The following KCNQ5 variants were observed in gnomAD, a reference collection of about 807,000 sequenced individuals.
KCNQ5 encodes potassium voltage-gated channel subfamily KQT member 5.
KCNQ5 carries 30 observed loss-of-function variants against 98.2 expected under a neutral mutation model. That is an observed-to-expected ratio of 0.31 (90% CI 0.23 to 0.41). The LOEUF (loss-of-function observed/expected upper bound fraction) is 0.41. Among genes scored for constraint, KCNQ5 ranks in the 10% least tolerant of loss-of-function variants. The probability of loss-of-function intolerance (pLI) is 1.00; values close to 1 mark genes in which losing one functional copy is unlikely to be tolerated. For synonymous variants in KCNQ5, 458 were observed against 449.4 expected (o/e 1.02, Z -0.24); for missense variants, 835 against 1,182.5 (o/e 0.71, Z 4.31).
At chr6:72,777,716 G>A (rs1284612799) in intron 1 of KCNQ5, among the ~76,000 whole-genome samples, 1 of 152,130 alleles carries the variant, frequency 6.6e-6, no homozygotes, top group African/African-American at 2.4e-5. Context: ...ATTCTTTGAA[G>A]AGCCAAGATA....
At position 73,154,800 on chromosome 6, in the gene KCNQ5, A is replaced by G. The variant is rs150790841; in HGVS notation, c.1469-14946A>G. ...GCTAATAGGGGAAGATTCTATTTAA[A>G]ATGTTTATAAAAAGTAAACATTATG... On this transcript the variant is annotated intron_variant, in intron 10 of 13. Transcript: ENST00000370398. 2.0e-5 allele frequency among the ~76,000 whole-genome samples: 3 copies of G among 152,338 alleles called. No individual in the cohort carries two copies. The East Asian group carries it at 5.8e-4, about 29-fold the overall frequency.
intron 1 of KCNQ5, among the ~76,000 whole-genome samples, chr6:72,893,848 T>G (rs1161412837): frequency 6.6e-6 from 1 of 152,210 alleles, no homozygotes; most frequent in Non-Finnish European, 1.5e-5. Context: ...AAGCTCCTGC[T>G]TATTGAAACT....
At chr6:73,102,334 G>T (rs1774817480) in intron 5 of KCNQ5, among the ~76,000 whole-genome samples, 1 of 152,030 alleles carries the variant, frequency 6.6e-6, no homozygotes, top group Non-Finnish European at 1.5e-5. Flanking sequence ...CCAGGGCAAG[G>T]ATTTCGTGAG....
chr6:72,815,515 G>A (rs554136502), intron 1 of KCNQ5, among the ~76,000 whole-genome samples: 20 of 152,248 alleles, frequency 1.3e-4, no homozygotes, highest in African/African-American at 3.6e-4. Flanking sequence ...TTAGTTTGAC[G>A]AAAGGGAAGT....
chr6:73,111,906 T>C (rs1775256966), intron 7 of KCNQ5, among the ~76,000 whole-genome samples: 1 of 152,216 alleles, frequency 6.6e-6, no homozygotes, highest in Non-Finnish European at 1.5e-5. Flanking sequence ...ATAGCTATCC[T>C]ATTTTGAGAG....
intron 1 of KCNQ5, among the ~76,000 whole-genome samples, chr6:72,680,028 G>T (rs1767626055): frequency 6.6e-6 from 1 of 152,286 alleles, no homozygotes; most frequent in East Asian, 1.9e-4. Flanking sequence ...GGGTGACAGA[G>T]CAAGGCTCCA....
At chr6:73,085,234 A>G (rs1326826829) in intron 5 of KCNQ5, among the ~76,000 whole-genome samples, 5 of 152,194 alleles carry the variant, frequency 3.3e-5, no homozygotes, top group Non-Finnish European at 1.5e-5. Context: ...CACATCTTAA[A>G]GACTTCATAA....
intron 4 of KCNQ5, 82 bp downstream of exon 4, chr6:73,077,579 A>G: frequency 6.9e-7 from 1 of 1,442,312 alleles, no homozygotes; most frequent in Non-Finnish European, 9.3e-7. Flanking sequence ...AACCTGTCAC[A>G]AGAAAACTTA....
At chr6:72,977,307 G>A (rs1037442385) in intron 1 of KCNQ5, among the ~76,000 whole-genome samples, 4 of 152,158 alleles carry the variant, frequency 2.6e-5, no homozygotes, top group African/African-American at 4.8e-5. Flanking sequence ...TGCAGGCAGG[G>A]GAAGTAGCAC....
At chr6:72,825,748 T>C (rs1582364426) in intron 1 of KCNQ5, among the ~76,000 whole-genome samples, 2 of 152,166 alleles carry the variant, frequency 1.3e-5, no homozygotes, top group African/African-American at 4.8e-5. Flanking sequence ...CAATAGTTGT[T>C]AGTCAGTCCT....
intron 1 of KCNQ5, among the ~76,000 whole-genome samples, chr6:72,762,092 G>A (rs1032204336): frequency 2.0e-5 from 3 of 152,030 alleles, no homozygotes; most frequent in African/African-American, 7.2e-5. Flanking sequence ...CCACTTGCAA[G>A]AGACATTCGC....
At chr6:72,644,721 C>T (rs1485702805) in intron 1 of KCNQ5, among the ~76,000 whole-genome samples, 1 of 152,112 alleles carries the variant, frequency 6.6e-6, no homozygotes. Context: ...TCATAACCCT[C>T]TTTGCCCTAC....
At chr6:72,721,789 T>G (rs1370108889) in intron 1 of KCNQ5, among the ~76,000 whole-genome samples, 1 of 152,196 alleles carries the variant, frequency 6.6e-6, no homozygotes, top group African/African-American at 2.4e-5. Context: ...TTCTCACTTG[T>G]CTTCAATTGG....
intron 6 of KCNQ5, among the ~76,000 whole-genome samples, chr6:73,106,151 C>A (rs544970334): frequency 6.6e-6 from 1 of 152,216 alleles, no homozygotes; most frequent in East Asian, 1.9e-4. Flanking sequence ...TCAAGCTGTG[C>A]CAACCAGAGA....
rs150435309 is a variant in KCNQ5, at chr6:73,105,516, C to G, written c.1029+149C>G. Reference sequence around the variant, plus strand: ...ATAATGTTGACTTTTCTAAATATATCTACTTGGATAATTTATAAAATATGG... The same window carrying G: ...ATAATGTTGACTTTTCTAAATATATGTACTTGGATAATTTATAAAATATGG... On this transcript the variant is annotated intron_variant, in intron 6 of 13. Transcript: ENST00000370398. 853 of 438,666 alleles carry G rather than the reference C, an allele frequency of 1.9e-3. 3 individuals carry two copies. The highest frequency in any genetic ancestry group is 0.015 in the African/African-American group (758 of 49,376). The allele number at this position is 438,666 out of a possible 1,614,324, so 27.2% of individuals were successfully genotyped here.
At chr6:72,888,392 C>T (rs1043730686) in intron 1 of KCNQ5, among the ~76,000 whole-genome samples, 4 of 151,996 alleles carry the variant, frequency 2.6e-5, no homozygotes, top group South Asian at 4.2e-4. Context: ...GCACAGAGGG[C>T]CTGTAATAAT....
At chr6:73,079,619 C>G (rs1367371629) in intron 5 of KCNQ5, among the ~76,000 whole-genome samples, 1 of 152,116 alleles carries the variant, frequency 6.6e-6, no homozygotes, top group African/African-American at 2.4e-5. Context: ...CTTAAGTTAT[C>G]TAAGTAAATG....
chr6:72,665,565 A>G (rs768433174), intron 1 of KCNQ5, among the ~76,000 whole-genome samples: 2 of 152,218 alleles, frequency 1.3e-5, no homozygotes, highest in Middle Eastern at 3.2e-3. Context: ...TGGCCATTAC[A>G]TAAGAAACAA....
chr6:73,169,991 T>A (rs995776039), intron 11 of KCNQ5, 137 bp downstream of exon 11: 1 of 640,678 alleles, frequency 1.6e-6, no homozygotes, highest in Admixed American at 2.6e-5. Flanking sequence ...ATATGCCTAT[T>A]GAATTGTGAA....
Sources: gnomAD v4.1 joint callset for allele counts (sites outside exome capture counted in the v4.1 genomes callset) on GRCh38, gnomAD v4.1.1 for gene constraint, MANE v1.5 for transcripts, NCBI Gene and HGNC (gene_info 2026-07-23, HGNC 2026-07-21) for gene names.